HOXC4: variants seen among roughly 807,000 people sequenced by gnomAD.
The protein encoded by HOXC4 is homeobox C4.
In HOXC4, 15 loss-of-function variants were observed where a neutral mutation model predicts 25.5. The observed-to-expected ratio is 0.59, with a 90% CI of 0.39 to 0.91. The LOEUF (loss-of-function observed/expected upper bound fraction) is 0.91. Ranked by LOEUF, HOXC4 falls within the 40% of genes least tolerant of loss-of-function variation. The probability of loss-of-function intolerance (pLI) is 0.00; values close to 1 mark genes in which losing one functional copy is unlikely to be tolerated. For missense variants in HOXC4, 342 were observed against 352.4 expected (o/e 0.97, Z 0.24); for synonymous variants, 165 against 148.0 (o/e 1.11, Z -0.83).
intron 1 of HOXC4, among the ~76,000 whole-genome samples, chr12:54,026,936 T>TCC (rs60226451): frequency 2.6e-4 from 36 of 138,552 alleles, no homozygotes; most frequent in African/African-American, 6.9e-4. Context: ...TAGCCAGCTT[T>TCC]CCCCCCCCCC....
At chr12:54,034,640 T>C (rs991974466) in intron 1 of HOXC4, 2 of 654,580 alleles carry the variant, frequency 3.1e-6, no homozygotes. Flanking sequence ...CGCTTTTCCT[T>C]GGCATTCCGC....
chr12:54,047,241 C>A (rs1206761489), intron 1 of HOXC4, among the ~76,000 whole-genome samples: 1 of 152,242 alleles, frequency 6.6e-6, no homozygotes. Flanking sequence ...GCTTTGAGGC[C>A]AGGCCTGAAG....
intron 1 of HOXC4, among the ~76,000 whole-genome samples, chr12:54,026,970 G>T (rs973539921): frequency 2.2e-5 from 3 of 138,060 alleles, no homozygotes; most frequent in Non-Finnish European, 4.9e-5. Context: ...ATGGTGGGGG[G>T]GGGGGGATAT....
chr12:54,037,111 A>G (rs1941198024), intron 1 of HOXC4, among the ~76,000 whole-genome samples: 1 of 152,090 alleles, frequency 6.6e-6, no homozygotes, highest in East Asian at 1.9e-4. Context: ...TCCTGTCACA[A>G]TCTGCAGGTC....
intron 1 of HOXC4, among the ~76,000 whole-genome samples, chr12:54,040,824 A>G (rs1429748172): frequency 6.6e-6 from 1 of 152,216 alleles, no homozygotes; most frequent in African/African-American, 2.4e-5. Flanking sequence ...AAATGCTCCA[A>G]TAGCCATTAG....
chr12:54,026,796 CAGA>C (rs1364919505), intron 1 of HOXC4, among the ~76,000 whole-genome samples: 2 of 152,204 alleles, frequency 1.3e-5, no homozygotes, highest in African/African-American at 2.4e-5. Context: ...CTTAACGTTA[CAGA>C]AGATGAATAA....
intron 1 of HOXC4, among the ~76,000 whole-genome samples, chr12:54,027,496 A>C (rs183520758): frequency 3.9e-5 from 6 of 152,156 alleles, no homozygotes; most frequent in Admixed American, 1.3e-4. Context: ...CCAAATAATA[A>C]ATTCTCACCA....
chr12:54,043,591 C>G (rs1307216096), intron 1 of HOXC4, among the ~76,000 whole-genome samples: 1 of 151,378 alleles, frequency 6.6e-6, no homozygotes, highest in Admixed American at 6.6e-5. Flanking sequence ...CCCCACCCCA[C>G]CCCCACCCCT....
upstream of HOXC4, among the ~76,000 whole-genome samples, chr12:54,052,206 G>T (rs1355530430): frequency 6.6e-6 from 1 of 152,176 alleles, no homozygotes; most frequent in African/African-American, 2.4e-5. Flanking sequence ...GGAGCAGGCA[G>T]CCAGCGGCCG....
chr12:54,055,349 C>A lies in HOXC4; in HGVS notation c.*144C>A. On this transcript the variant is annotated 3_prime_UTR_variant, in exon 2 of 2. Transcript: ENST00000430889. ...CTCTTCCTCTCACCTTGTCCCTTGT[C>A]AGTTCCAAACAGACAAAACAGATAA... 1 of 247,594 alleles carries A rather than the reference C, an allele frequency of 4.0e-6. No homozygotes were observed. Among genetic ancestry groups the A allele is most frequent in the African/African-American group, 2.3e-5 (1 of 42,904 alleles). 15.3% of individuals were successfully genotyped at this position (247,594 alleles called of 1,614,324 possible). A position where few individuals can be genotyped will look rare whatever the true frequency, so the allele number is the denominator to read the frequency against.
intron 1 of HOXC4, among the ~76,000 whole-genome samples, chr12:54,038,707 G>A (rs1941226410): frequency 6.6e-6 from 1 of 152,128 alleles, no homozygotes; most frequent in African/African-American, 2.4e-5. Flanking sequence ...GGTCTTCCTG[G>A]CATTCCCAGC....
chr12:54,029,350 AT>A (rs1416280010), intron 1 of HOXC4, among the ~76,000 whole-genome samples: 1 of 149,016 alleles, frequency 6.7e-6, no homozygotes, highest in African/African-American at 2.5e-5. Flanking sequence ...ATTATCTGGG[AT>A]TTTTCAAAAA....
chr12:54,035,488 A>G (rs1941165844), intron 1 of HOXC4: 1 of 152,318 alleles, frequency 6.6e-6, no homozygotes, highest in Admixed American at 6.5e-5. Context: ...TTCTAGGGGC[A>G]GTGAGTAGAG....
At chr12:54,033,390 G>C in intron 1 of HOXC4, 1 of 1,612,648 alleles carries the variant, frequency 6.2e-7, no homozygotes, top group Non-Finnish European at 8.5e-7. Flanking sequence ...GGGCAGAGAC[G>C]AAGCGGCTCC....
At chr12:54,044,668 C>T (rs1937654990) in intron 1 of HOXC4, among the ~76,000 whole-genome samples, 1 of 152,116 alleles carries the variant, frequency 6.6e-6, no homozygotes. Context: ...ACTCTGCAGT[C>T]TGTCACTGGG....
chr12:54,027,786 C>T (rs1033225679), intron 1 of HOXC4, among the ~76,000 whole-genome samples: 1 of 152,186 alleles, frequency 6.6e-6, no homozygotes, highest in African/African-American at 2.4e-5. Flanking sequence ...CCACTGTACC[C>T]TGAAGTCTTG....
At chr12:54,049,801 A>C (rs1267670265), upstream of HOXC4, among the ~76,000 whole-genome samples, 1 of 142,144 alleles carries the variant, frequency 7.0e-6, no homozygotes, top group Non-Finnish European at 1.5e-5. Flanking sequence ...CACACACACG[A>C]AAAAAATGGG....
chr12:54,037,571 G>A (rs903520281), intron 1 of HOXC4, among the ~76,000 whole-genome samples: 8 of 152,210 alleles, frequency 5.3e-5, no homozygotes, highest in East Asian at 1.9e-4. Flanking sequence ...AAGGCGACAG[G>A]TCCTTATGGA....
At chr12:54,033,141 A>T (rs897255075) in intron 1 of HOXC4, 17 of 1,610,056 alleles carry the variant, frequency 1.1e-5, no homozygotes, top group Non-Finnish European at 1.4e-5. Flanking sequence ...CTACGTAGCC[A>T]ATTCATTCTA....
Sources: gnomAD v4.1 joint callset for allele counts (sites outside exome capture counted in the v4.1 genomes callset) on GRCh38, gnomAD v4.1.1 for gene constraint, MANE v1.5 for transcripts, NCBI Gene and HGNC (gene_info 2026-07-23, HGNC 2026-07-21) for gene names.